NKAIN2: variants seen among roughly 807,000 people sequenced by gnomAD.
The protein encoded by NKAIN2 is sodium/potassium transporting ATPase interacting 2, also known as sodium/potassium-transporting ATPase subunit beta-1-interacting protein 2.
Under a neutral mutation model 32.6 loss-of-function variants are expected in NKAIN2, and 14 were observed. That is an observed-to-expected ratio of 0.43 (90% CI 0.28 to 0.67). NKAIN2 has a LOEUF of 0.67. Ranked by LOEUF, NKAIN2 falls within the 30% of genes least tolerant of loss-of-function variation. The pLI, the probability that NKAIN2 is intolerant of heterozygous loss-of-function variation, is 0.17. For synonymous variants in NKAIN2, 80 were observed against 87.2 expected (o/e 0.92, Z 0.46); for missense variants, 198 against 258.3 (o/e 0.77, Z 1.60).
chr6:124,203,194 G>T (rs1268953298), intron 1 of NKAIN2, among the ~76,000 whole-genome samples: 1 of 151,820 alleles, frequency 6.6e-6, no homozygotes, highest in Non-Finnish European at 1.5e-5. Context: ...ATAGTTTGTT[G>T]AGGGGGATCA....
At chr6:124,585,457 G>C (rs1781679975) in intron 3 of NKAIN2, among the ~76,000 whole-genome samples, 2 of 152,154 alleles carry the variant, frequency 1.3e-5, no homozygotes, top group South Asian at 4.1e-4. Context: ...ATAACTAAAA[G>C]AGTATAATTG....
chr6:124,797,633 G>A (rs977505908), intron 5 of NKAIN2, among the ~76,000 whole-genome samples: 7 of 151,994 alleles, frequency 4.6e-5, no homozygotes, highest in Non-Finnish European at 7.4e-5. Context: ...CACTTCTCTG[G>A]GGCTAATAAT....
rs147428595 is a variant in NKAIN2 at position 123,843,929 on chromosome 6, G to A, written c.54+39675G>A. 1.0e-3 allele frequency among the ~76,000 whole-genome samples: 152 copies of A among 152,272 alleles called. 2 individuals are homozygous for A. Among genetic ancestry groups the A allele is most frequent in the African/African-American group, 3.5e-3 (147 of 41,558 alleles). ...AAAGTCCGGGCATGATTTTGACCTC[G>A]ATCTCTGCTCCTGTGATACACTCTT... On this transcript the variant is annotated intron_variant, in intron 1 of 6. Transcript: ENST00000368417.
intron 3 of NKAIN2, among the ~76,000 whole-genome samples, chr6:124,480,403 G>A (rs188104572): frequency 5.0e-4 from 76 of 152,176 alleles, no homozygotes; most frequent in African/African-American, 1.6e-3. Flanking sequence ...AAAAGCCTAC[G>A]GTATGTGGCA....
chr6:123,997,590 GTTTATTCTTTTT>G, intron 1 of NKAIN2, among the ~76,000 whole-genome samples: 1 of 143,346 alleles, frequency 7.0e-6, no homozygotes, highest in African/African-American at 2.5e-5. Flanking sequence ...ACTAACTGGA[GTTTATTCTTTTT>G]TTTTTTTTTT....
chr6:124,140,849 C>G (rs1416347912), intron 1 of NKAIN2, among the ~76,000 whole-genome samples: 1 of 152,114 alleles, frequency 6.6e-6, no homozygotes, highest in African/African-American at 2.4e-5. Flanking sequence ...CTATTATTAT[C>G]CTTCTAACTC....
Position 124,283,026 on chromosome 6 carries a change from A to C in NKAIN2, c.76A>C (p.Ile26Leu). ...MQLVCVLERQ[I>L]FDFLGYQWAP... ...CTAGGTTTGTGTGCTGGAGAGGCAAATATTTGACTTCCTTGGATATCAGTG... is the reference window on the plus strand; with the variant it reads ...CTAGGTTTGTGTGCTGGAGAGGCAACTATTTGACTTCCTTGGATATCAGTG... The change falls in exon 2 of 7, where the codon ATA (isoleucine) becomes CTA (leucine). Residue 26 changes from isoleucine (I) to leucine (L), a missense_variant. Coordinates refer to ENST00000368417, the MANE Select transcript of NKAIN2 (RefSeq NM_001040214.3). The C allele has an allele frequency of 1.2e-6, 2 of 1,613,816 alleles. No individual in the cohort carries two copies. The highest frequency in any genetic ancestry group is 1.7e-6 in the Non-Finnish European group (2 of 1,179,810).
intron 1 of NKAIN2, among the ~76,000 whole-genome samples, chr6:123,967,598 C>G (rs1417412065): frequency 6.6e-6 from 1 of 152,074 alleles, no homozygotes; most frequent in Non-Finnish European, 1.5e-5. Context: ...GTTTTCCACC[C>G]CCAACTGAAG....
At chr6:124,357,275 G>A (rs1031208347) in intron 3 of NKAIN2, among the ~76,000 whole-genome samples, 9 of 151,858 alleles carry the variant, frequency 5.9e-5, no homozygotes, top group Admixed American at 1.3e-4. Flanking sequence ...TATAGTTATC[G>A]TTATATAGTT....
intron 2 of NKAIN2, among the ~76,000 whole-genome samples, chr6:124,303,039 A>G (rs1443316172): frequency 6.6e-6 from 1 of 152,198 alleles, no homozygotes; most frequent in Admixed American, 6.6e-5. Context: ...CTTTGGTCTG[A>G]TTCAATAATT....
At chr6:124,418,158 CTGTGTGTGTGTGTG>C (rs144452856) in intron 3 of NKAIN2, among the ~76,000 whole-genome samples, 1 of 149,544 alleles carries the variant, frequency 6.7e-6, no homozygotes, top group South Asian at 2.1e-4. Context: ...CCTGTGTGGA[CTGTGTGTGTGTGTG>C]TGTGTCTGTG....
At chr6:123,941,423 A>G (rs773085876) in intron 1 of NKAIN2, among the ~76,000 whole-genome samples, 3 of 151,840 alleles carry the variant, frequency 2.0e-5, no homozygotes, top group Admixed American at 6.6e-5. Context: ...TTTTTGTCCC[A>G]TGGCAGCACA....
chr6:123,910,749 C>A (rs1775139225), intron 1 of NKAIN2, among the ~76,000 whole-genome samples: 1 of 151,780 alleles, frequency 6.6e-6, no homozygotes, highest in African/African-American at 2.4e-5. Flanking sequence ...CGTGATCTGC[C>A]CGCCTTAGCC....
intron 1 of NKAIN2, among the ~76,000 whole-genome samples, chr6:123,925,145 A>G (rs1301477585): frequency 6.6e-6 from 1 of 152,198 alleles, no homozygotes; most frequent in Non-Finnish European, 1.5e-5. Flanking sequence ...ATGTGCTTAT[A>G]TGAAGTACAC....
chr6:124,731,822 C>A (rs1776693715), intron 4 of NKAIN2, among the ~76,000 whole-genome samples: 1 of 152,050 alleles, frequency 6.6e-6, no homozygotes, highest in Non-Finnish European at 1.5e-5. Flanking sequence ...CTATCTGGAA[C>A]TATTCTGTCT....
chr6:124,178,705 A>G (rs1295810050), intron 1 of NKAIN2, among the ~76,000 whole-genome samples: 6 of 152,096 alleles, frequency 3.9e-5, no homozygotes, highest in Admixed American at 3.3e-4. Flanking sequence ...GGTTTAAATA[A>G]TTTTCTCAAG....
intron 4 of NKAIN2, among the ~76,000 whole-genome samples, chr6:124,731,919 T>C (rs2114666355): frequency 6.6e-6 from 1 of 152,234 alleles, no homozygotes; most frequent in Non-Finnish European, 1.5e-5. Context: ...CCCAGTTAAA[T>C]GTCCATATGA....
intron 3 of NKAIN2, among the ~76,000 whole-genome samples, chr6:124,495,318 C>T (rs963257774): frequency 6.6e-6 from 1 of 150,946 alleles, no homozygotes; most frequent in Admixed American, 6.6e-5. Context: ...GAGATTTTTG[C>T]TTCTATATAT....
chr6:124,305,011 G>A (rs1050976276), intron 2 of NKAIN2, among the ~76,000 whole-genome samples: 6 of 152,032 alleles, frequency 3.9e-5, no homozygotes, highest in African/African-American at 1.4e-4. Context: ...GATTGCTGTA[G>A]GTTAATATGG....
Sources: allele counts gnomAD v4.1 joint callset (sites outside exome capture counted in the v4.1 genomes callset), GRCh38; gene constraint gnomAD v4.1.1; transcripts MANE v1.5; gene names NCBI Gene and HGNC (gene_info 2026-07-23, HGNC 2026-07-21).